TENM1: variants seen among roughly 807,000 people sequenced by gnomAD.
The protein encoded by TENM1 is teneurin-1.
TENM1 carries 35 observed loss-of-function variants against 174.8 expected under a neutral mutation model. That is an observed-to-expected ratio of 0.20 (90% CI 0.15 to 0.27). The LOEUF (loss-of-function observed/expected upper bound fraction) is 0.27, where lower values mean the gene tolerates loss of function less well. TENM1 is among the 10% of genes least tolerant of loss of function. TENM1 has a pLI of 1.00. For missense variants in TENM1, 1,633 were observed against 2,130.1 expected (o/e 0.77, Z 4.59); for synonymous variants, 781 against 798.7 (o/e 0.98, Z 0.37).
chrX:124,589,424 T>C (rs1423253352), intron 11 of TENM1, among the ~76,000 whole-genome samples: 2 of 110,175 alleles, frequency 1.8e-5, no homozygotes, highest in African/African-American at 6.6e-5. Context: ...CAGGGTGATG[T>C]TGCCTTCATA....
At chrX:124,862,399 C>G (rs1456619302) in intron 3 of TENM1, among the ~76,000 whole-genome samples, 1 of 111,824 alleles carries the variant, frequency 8.9e-6, no homozygotes, top group Non-Finnish European at 1.9e-5. Context: ...CAATACCCCC[C>G]TCCCCCCATT....
At chrX:124,623,701 A>G (rs1333730500) in intron 11 of TENM1, among the ~76,000 whole-genome samples, 1 of 111,933 alleles carries the variant, frequency 8.9e-6, no homozygotes, top group Admixed American at 9.5e-5. Context: ...ATAGATGTAA[A>G]TCAGCTGCCA....
At chrX:124,518,962 C>A (rs775622295) in intron 18 of TENM1, among the ~76,000 whole-genome samples, 6 of 112,081 alleles carry the variant, frequency 5.4e-5, no homozygotes, top group Non-Finnish European at 7.5e-5. Context: ...ACAATATTTT[C>A]TCTAAGAGGA....
the TENM1 span, among the ~76,000 whole-genome samples, chrX:125,003,591 T>A: frequency 9.0e-6 from 1 of 111,457 alleles, no homozygotes; most frequent in Non-Finnish European, 1.9e-5. Flanking sequence ...GCTTTATAAC[T>A]TTTAGAAGCC....
the TENM1 span, among the ~76,000 whole-genome samples, chrX:124,977,309 C>CT: frequency 9.0e-6 from 1 of 111,635 alleles, no homozygotes; most frequent in African/African-American, 3.2e-5. Context: ...ACTAGGCTGT[C>CT]TGTTGTTTTG....
chrX:125,091,726 AC>A, the TENM1 span, among the ~76,000 whole-genome samples: 3 of 110,829 alleles, frequency 2.7e-5, no homozygotes, highest in East Asian at 8.6e-4. Context: ...GGTGGCTCAC[AC>A]CTGTAATCCC....
intron 3 of TENM1, among the ~76,000 whole-genome samples, chrX:124,882,043 G>A (rs1021122028): frequency 4.5e-5 from 5 of 112,084 alleles, no homozygotes; most frequent in Non-Finnish European, 9.4e-5. Flanking sequence ...CTTAGGTTTT[G>A]CTATATTGTG....
At chrX:124,391,543 G>A (rs2060281968) in intron 28 of TENM1, among the ~76,000 whole-genome samples, 1 of 111,263 alleles carries the variant, frequency 9.0e-6, no homozygotes, top group African/African-American at 3.3e-5. Context: ...ACAGAAAAGA[G>A]TATTACCAAT....
intron 3 of TENM1, among the ~76,000 whole-genome samples, chrX:124,745,431 G>C (rs1322200579): frequency 9.0e-6 from 1 of 111,541 alleles, no homozygotes; most frequent in African/African-American, 3.3e-5. Context: ...CTCAGATATA[G>C]GATCAAAACA....
At chrX:124,890,441 A>T (rs946924113) in intron 3 of TENM1, among the ~76,000 whole-genome samples, 6 of 112,283 alleles carry the variant, frequency 5.3e-5, no homozygotes, top group Non-Finnish European at 1.1e-4. Flanking sequence ...CTGACAAGGG[A>T]TTAATACCAG....
intron 4 of TENM1, 130 bp downstream of exon 7, chrX:124,736,827 A>C (rs1175061908): frequency 3.6e-5 from 32 of 900,354 alleles, no homozygotes; most frequent in Non-Finnish European, 3.0e-6. Flanking sequence ...TTGCCCATGC[A>C]TCTGGGTGTG....
At chrX:124,808,163 A>C (rs1471409290) in intron 3 of TENM1, among the ~76,000 whole-genome samples, 1 of 112,071 alleles carries the variant, frequency 8.9e-6, no homozygotes, top group Non-Finnish European at 1.9e-5. Flanking sequence ...TGAAAGCCAA[A>C]ACAGAGCAAG....
intron 3 of TENM1, among the ~76,000 whole-genome samples, chrX:124,876,019 A>ACATGCAT (rs1012897917): frequency 3.6e-5 from 4 of 110,305 alleles, no homozygotes; most frequent in Non-Finnish European, 7.6e-5. Context: ...TGCATGACAG[A>ACATGCAT]CAGTATAATA....
intron 1 of TENM1, among the ~76,000 whole-genome samples, chrX:124,906,617 C>T (rs2057752669): frequency 9.0e-6 from 1 of 111,552 alleles, no homozygotes; most frequent in Non-Finnish European, 1.9e-5. Context: ...GATTTGTACA[C>T]AAATGCTCAT....
chrX:124,424,742 T>G (rs1266421520), intron 23 of TENM1, among the ~76,000 whole-genome samples: 2 of 111,309 alleles, frequency 1.8e-5, no homozygotes, highest in African/African-American at 6.6e-5. Flanking sequence ...GATTTAGTAC[T>G]GTCCCCCCTT....
chrX:124,509,718 T>TC (rs1751486034), intron 18 of TENM1, among the ~76,000 whole-genome samples: 1 of 100,297 alleles, frequency 1.0e-5, no homozygotes, highest in Non-Finnish European at 2.0e-5. Context: ...CTGGAATTTT[T>TC]TTTTTTTTTT....
chrX:124,914,356 A>G (rs2057887524), intron 1 of TENM1, among the ~76,000 whole-genome samples: 1 of 111,400 alleles, frequency 9.0e-6, no homozygotes, highest in South Asian at 3.8e-4. Context: ...CACAGAGGAG[A>G]GGAAGAATAG....
At chrX:124,959,483 T>C (rs2058624511) in intron 1 of TENM1, among the ~76,000 whole-genome samples, 1 of 111,282 alleles carries the variant, frequency 9.0e-6, no homozygotes, top group Admixed American at 9.6e-5. Context: ...CTTGGCCTTT[T>C]TCTAGTCTCA....
intron 1 of TENM1, among the ~76,000 whole-genome samples, chrX:124,944,449 G>A (rs1441170122): frequency 9.3e-6 from 1 of 107,432 alleles, no homozygotes. Flanking sequence ...AATAAAATAG[G>A]GCAATATCAT....
Sources: allele counts gnomAD v4.1 joint callset (sites outside exome capture counted in the v4.1 genomes callset), GRCh38; gene constraint gnomAD v4.1.1; transcripts MANE v1.5; gene names NCBI Gene and HGNC (gene_info 2026-07-23, HGNC 2026-07-21).